The following RNF141 variants were observed in gnomAD, a reference collection of about 807,000 sequenced individuals.
RNF141 encodes ring finger protein 141.
In RNF141, 18 loss-of-function variants were observed where a neutral mutation model predicts 27.4. That is an observed-to-expected ratio of 0.66 (90% CI 0.45 to 0.97). The LOEUF (loss-of-function observed/expected upper bound fraction) is 0.97. Among genes scored for constraint, RNF141 ranks in the 50% least tolerant of loss-of-function variants. The probability of loss-of-function intolerance (pLI) is 0.00; values close to 1 mark genes in which losing one functional copy is unlikely to be tolerated. For missense variants in RNF141, 230 were observed against 279.4 expected (o/e 0.82, Z 1.26); for synonymous variants, 97 against 96.6 (o/e 1.00, Z -0.02).
chr11:10,515,756 T>G (rs543629573), intron 5 of RNF141: 1 of 152,326 alleles, frequency 6.6e-6, no homozygotes, highest in South Asian at 2.1e-4. Flanking sequence ...CAACAATATA[T>G]CTACCTGTTG....
chr11:10,533,876 C>T (rs1377493100), intron 2 of RNF141, 140 bp downstream of exon 2: 2 of 690,414 alleles, frequency 2.9e-6, no homozygotes, highest in African/African-American at 3.7e-5. Flanking sequence ...ATAATAGATA[C>T]TCAATAAGTA....
At chr11:10,531,755 G>C (rs555069650) in intron 2 of RNF141, 1 of 199,586 alleles carries the variant, frequency 5.0e-6, no homozygotes, top group South Asian at 6.8e-5. Flanking sequence ...AACTCTCTCT[G>C]AGCACCAGTG....
In RNF141 at chr11:10,519,383, TAAAG is replaced by T. The variant is rs200616934; in HGVS notation, c.435-246_435-243del. ...ACTAGATAAAAGATACATTTTGTGA[TAAAG>T]AAAACATAGGCAAAAGTGGAAATAG... On this transcript the variant is annotated intron_variant, in intron 4 of 5. Coordinates refer to ENST00000265981, the MANE Select transcript of RNF141 (RefSeq NM_016422.4). Among the ~76,000 whole-genome samples, 1,313 of 152,266 alleles carry T rather than the reference TAAAG, an allele frequency of 8.6e-3. 79 individuals carry two copies. Among genetic ancestry groups the T allele is most frequent in the Admixed American group, 0.079 (1,211 of 15,274 alleles).
At chr11:10,536,741 C>T (rs572700504) in intron 1 of RNF141, among the ~76,000 whole-genome samples, 1 of 152,310 alleles carries the variant, frequency 6.6e-6, no homozygotes, top group African/African-American at 2.4e-5. Flanking sequence ...GGATTACAGG[C>T]ATGAGCTGCC....
intron 5 of RNF141, among the ~76,000 whole-genome samples, chr11:10,517,952 CTA>C (rs560424776): frequency 7.9e-4 from 120 of 152,120 alleles, no homozygotes; most frequent in Non-Finnish European, 1.4e-3. Flanking sequence ...TAGCATAAAA[CTA>C]TGAAATACTT....
At chr11:10,533,955 T>C in intron 2 of RNF141, 61 bp downstream of exon 2, 1 of 1,486,426 alleles carries the variant, frequency 6.7e-7, no homozygotes, top group Non-Finnish European at 9.2e-7. Context: ...TACACAGCCA[T>C]GACATATGGG....
At chr11:10,527,552 T>C (rs1238223261) in intron 3 of RNF141, among the ~76,000 whole-genome samples, 3 of 151,048 alleles carry the variant, frequency 2.0e-5, no homozygotes, top group Non-Finnish European at 4.4e-5. Context: ...GAGGAAGGAG[T>C]GGTAGATAGA....
At chr11:10,534,999 T>C (rs946035153) in intron 1 of RNF141, among the ~76,000 whole-genome samples, 6 of 152,074 alleles carry the variant, frequency 3.9e-5, no homozygotes, top group Non-Finnish European at 1.5e-5. Context: ...TTAACTCTTT[T>C]AGGTACCCCC....
intron 2 of RNF141, 57 bp downstream of exon 2, chr11:10,533,959 A>G: frequency 6.6e-7 from 1 of 1,525,416 alleles, no homozygotes; most frequent in Non-Finnish European, 9.0e-7. Context: ...CAGCCATGAC[A>G]TATGGGGCAT....
chr11:10,521,934 C>T (rs1162334654), intron 4 of RNF141, among the ~76,000 whole-genome samples: 1 of 152,162 alleles, frequency 6.6e-6, no homozygotes, highest in Non-Finnish European at 1.5e-5. Flanking sequence ...AAACTACAAT[C>T]AGTGTATAAT....
At chr11:10,536,323 A>C (rs954607972) in intron 1 of RNF141, among the ~76,000 whole-genome samples, 5 of 152,146 alleles carry the variant, frequency 3.3e-5, no homozygotes, top group African/African-American at 1.2e-4. Context: ...GGTAATTTTT[A>C]AAAAGGCCAC....
At chr11:10,516,891 A>C (rs1229335229) in intron 5 of RNF141, 1 of 152,224 alleles carries the variant, frequency 6.6e-6, no homozygotes. Flanking sequence ...ACTTAACTAT[A>C]GTCCAGAAAA....
Position 10,525,345 on chromosome 11 carries a change from G to T in RNF141, c.281C>A (p.Ala94Glu). 1 of 1,599,518 alleles carries T rather than the reference G, an allele frequency of 6.3e-7. No individual in the cohort carries two copies. The highest frequency in any genetic ancestry group is 1.1e-5 in the South Asian group (1 of 87,626). Residue 94 changes from alanine (A) to glutamate (E), a missense_variant, in exon 4 of 6, where the codon GCA (alanine) becomes GAA (glutamate). By Grantham distance (107) the Ala-to-Glu change is moderately radical. Coordinates refer to ENST00000265981, the MANE Select transcript of RNF141 (RefSeq NM_016422.4). Reference protein sequence around the residue: ...KINKSSGIVEASRIMNLYQFI... With the variant: ...KINKSSGIVEESRIMNLYQFI... ...CTGGTATAAATTCATGATCCGTGAT[G>T]CCTCCACAATGCCACTGCTTTTGTT... is the stretch of plus-strand genomic sequence containing the variant.
rs1424183403 is a variant in RNF141, at chr11:10,514,270, C to T, written c.*646G>A. 6.6e-6 allele frequency: 1 copy of T among 152,198 alleles called. No individual in the cohort carries two copies. The highest frequency in any genetic ancestry group is 2.4e-5 in the African/African-American group (1 of 41,424). The allele number at this position is 152,198 out of a possible 1,614,324, so 9.4% of individuals were successfully genotyped here. Reference sequence around the variant, plus strand: ...AAGTCACACCCAATTTTGTAGACCTCACCCAAATTATACAGTATGGCAAAA... The same window carrying T: ...AAGTCACACCCAATTTTGTAGACCTTACCCAAATTATACAGTATGGCAAAA... On this transcript the variant is annotated 3_prime_UTR_variant, in exon 6 of 6. Transcript: ENST00000265981.
intron 1 of RNF141, among the ~76,000 whole-genome samples, chr11:10,540,071 C>T (rs1262831005): frequency 6.6e-6 from 1 of 152,058 alleles, no homozygotes; most frequent in Non-Finnish European, 1.5e-5. Context: ...ATTCAGAAAG[C>T]ATCACTTCTC....
chr11:10,519,002 G>C, intron 5 of RNF141, 32 bp downstream of exon 5: 1 of 1,552,222 alleles, frequency 6.4e-7, no homozygotes, highest in Non-Finnish European at 8.9e-7. Context: ...CACTGACCTT[G>C]GCCCAGCCCA....
intron 3 of RNF141, among the ~76,000 whole-genome samples, chr11:10,526,897 A>G (rs1198558702): frequency 6.6e-6 from 1 of 152,254 alleles, no homozygotes; most frequent in Non-Finnish European, 1.5e-5. Context: ...AGATGCAAAT[A>G]TACAAGGTTC....
chr11:10,534,961 G>C (rs1191354590), intron 1 of RNF141, among the ~76,000 whole-genome samples: 1 of 151,876 alleles, frequency 6.6e-6, no homozygotes, highest in African/African-American at 2.4e-5. Flanking sequence ...CACATTTTCT[G>C]CCTGGAAAAA....
intron 5 of RNF141, chr11:10,517,565 C>CATATGCT (rs1323519565): frequency 6.6e-6 from 1 of 152,038 alleles, no homozygotes; most frequent in Non-Finnish European, 1.5e-5. Flanking sequence ...TAAGGCACAT[C>CATATGCT]ATAATCAAAG....
Sources: gnomAD v4.1 joint callset for allele counts (sites outside exome capture counted in the v4.1 genomes callset) on GRCh38, gnomAD v4.1.1 for gene constraint, MANE v1.5 for transcripts, NCBI Gene and HGNC (gene_info 2026-07-23, HGNC 2026-07-21) for gene names.